Variants in FRY observed in about 807,000 individuals in gnomAD.
The protein encoded by FRY is protein furry homolog.
FRY carries 128 observed loss-of-function variants against 348.4 expected under a neutral mutation model. That is an observed-to-expected ratio of 0.37 (90% CI 0.32 to 0.43). The LOEUF (loss-of-function observed/expected upper bound fraction) is 0.43. Ranked by LOEUF, FRY falls within the 20% of genes least tolerant of loss-of-function variation. The probability of loss-of-function intolerance (pLI) is 1.00; values close to 1 mark genes in which losing one functional copy is unlikely to be tolerated. For synonymous variants in FRY, 1,370 were observed against 1,374.7 expected (o/e 1.00, Z 0.08); for missense variants, 2,736 against 3,695.2 (o/e 0.74, Z 6.73).
At chr13:32,122,897 C>G (rs936302764) in intron 4 of FRY, among the ~76,000 whole-genome samples, 5 of 152,148 alleles carry the variant, frequency 3.3e-5, no homozygotes, top group African/African-American at 1.2e-4. Flanking sequence ...CTAACAACGA[C>G]TAAGCGGAGA....
intron 3 of FRY, among the ~76,000 whole-genome samples, chr13:32,115,618 T>A (rs900885689): frequency 6.6e-6 from 1 of 152,188 alleles, no homozygotes; most frequent in Non-Finnish European, 1.5e-5. Flanking sequence ...AAAACCTTCG[T>A]CACATCAATT....
chr13:32,120,633 C>T (rs1006180596), intron 4 of FRY, among the ~76,000 whole-genome samples: 1 of 152,118 alleles, frequency 6.6e-6, no homozygotes, highest in African/African-American at 2.4e-5. Context: ...ACTCTTCCCC[C>T]CAAGTCCCCG....
chr13:32,239,971 T>C lies in FRY; in HGVS notation c.6687+90T>C. 4 of 1,106,368 alleles carry C rather than the reference T, an allele frequency of 3.6e-6. No homozygotes were observed. The highest frequency in any genetic ancestry group is 5.3e-6 in the Non-Finnish European group (4 of 751,136). 68.5% of individuals were successfully genotyped at this position (1,106,368 alleles called of 1,614,324 possible). ...CTTGGGCTCAAGCAGTCCTCCTGCCTTCGCCTCCCAGAGTGCTAGGATTAC... is the reference window on the plus strand; with the variant it reads ...CTTGGGCTCAAGCAGTCCTCCTGCCCTCGCCTCCCAGAGTGCTAGGATTAC... On this transcript the variant is annotated intron_variant, in intron 46 of 60. Coordinates refer to ENST00000542859, the MANE Select transcript of FRY (RefSeq NM_023037.3). This position sits in a 1 kb window ranked among gnomAD's most constrained non-coding sequence, Gnocchi z 4.3.
chr13:32,205,834 A>G lies in FRY; in HGVS notation c.4019-3019A>G, dbSNP rs568551032. On this transcript the variant is annotated intron_variant, in intron 31 of 60. Transcript: ENST00000542859. ...CAGTCTGGAGAGAGGAGGATAGTTA[A>G]GAAACAATGGCAATAGTCCAAGGAG... is the stretch of plus-strand genomic sequence containing the variant. Among the ~76,000 whole-genome samples the G allele has an allele frequency of 1.2e-3, 185 of 152,094 alleles. 1 individual carries two copies. The highest frequency in any genetic ancestry group is 7.5e-3 in the South Asian group (36 of 4,808).
Position 32,174,448 on chromosome 13 carries a change from T to A in FRY, c.2334+899T>A, listed in dbSNP as rs368361066. ...AAAGTAATGATAATAATAATTACCA[T>A]GTATGTGTCAGGTAGTGTGCTAAGT... is the stretch of plus-strand genomic sequence containing the variant. On this transcript the variant is annotated intron_variant, in intron 19 of 60. Transcript: ENST00000542859. Among the ~76,000 whole-genome samples, 22 of 152,222 alleles carry A rather than the reference T, an allele frequency of 1.4e-4. No homozygotes were observed. The East Asian group carries it at 1.7e-3, about 12-fold the overall frequency.
intron 55 of FRY, among the ~76,000 whole-genome samples, chr13:32,269,876 T>C (rs751935518): frequency 1.2e-4 from 18 of 152,208 alleles, no homozygotes; most frequent in Non-Finnish European, 2.1e-4. Context: ...TGGAGAATTA[T>C]ATACCAGTAG....
rs145953044 is a variant in FRY, at chr13:32,254,967, A to G, written c.7416+573A>G. ...CTAGACACTGGAGCAGCCAAATTCAAGTCTCAGTGGGCAAATGCAGATTCA... is the reference window on the plus strand; with the variant it reads ...CTAGACACTGGAGCAGCCAAATTCAGGTCTCAGTGGGCAAATGCAGATTCA... On this transcript the variant is annotated intron_variant, in intron 51 of 60. Coordinates refer to ENST00000542859, the MANE Select transcript of FRY (RefSeq NM_023037.3). Among the ~76,000 whole-genome samples, 415 of 152,330 alleles carry G rather than the reference A, an allele frequency of 2.7e-3. 5 individuals are homozygous for G. Among genetic ancestry groups the G allele is most frequent in the African/African-American group, 9.8e-3 (407 of 41,574 alleles).
intron 1 of FRY, chr13:32,060,973 G>A (rs1486076988): frequency 4.7e-6 from 2 of 426,476 alleles, no homozygotes; most frequent in East Asian, 1.4e-4. Context: ...TAAGGGCCCT[G>A]CATTGTGGCT....
chr13:32,198,258 C>T (rs1006911136), intron 29 of FRY, among the ~76,000 whole-genome samples: 42 of 152,176 alleles, frequency 2.8e-4, no homozygotes, highest in African/African-American at 8.4e-4. Flanking sequence ...AAATCTCCAG[C>T]GATCCAGCAA....
intron 40 of FRY, among the ~76,000 whole-genome samples, chr13:32,229,592 G>A (rs987830454): frequency 5.3e-5 from 8 of 152,116 alleles, no homozygotes; most frequent in Non-Finnish European, 1.0e-4. Flanking sequence ...AGACCCGCAT[G>A]ATTTGTGGAA....
intron 14 of FRY, among the ~76,000 whole-genome samples, chr13:32,155,288 G>C (rs1406777900): frequency 6.6e-6 from 1 of 152,106 alleles, no homozygotes; most frequent in African/African-American, 2.4e-5. Flanking sequence ...AATCTCCCCT[G>C]TTGTTTTCTT....
At chr13:32,036,535 A>G (rs1202124846) in intron 1 of FRY, among the ~76,000 whole-genome samples, 1 of 152,080 alleles carries the variant, frequency 6.6e-6, no homozygotes, top group Admixed American at 6.5e-5. Flanking sequence ...GCCACTCTGT[A>G]TAAAATACTA....
intron 39 of FRY, 123 bp downstream of exon 39, chr13:32,226,097 A>G: frequency 1.3e-6 from 1 of 767,586 alleles, no homozygotes; most frequent in Non-Finnish European, 2.3e-6. Context: ...TCCACGTGGT[A>G]AATCAACAGT....
intron 13 of FRY, among the ~76,000 whole-genome samples, chr13:32,148,795 A>G (rs1880617295): frequency 6.6e-6 from 1 of 152,218 alleles, no homozygotes; most frequent in Admixed American, 6.5e-5. Flanking sequence ...TATAAAGTGT[A>G]AGGTTCAGTT....
chr13:32,291,224 T>C (rs1391449878), intron 59 of FRY, among the ~76,000 whole-genome samples: 1 of 151,988 alleles, frequency 6.6e-6, no homozygotes, highest in Admixed American at 6.5e-5. Flanking sequence ...TTTTTATTAC[T>C]CAGTTTGAAA....
chr13:32,265,181 C>T (rs1887854394), intron 53 of FRY, among the ~76,000 whole-genome samples: 1 of 152,170 alleles, frequency 6.6e-6, no homozygotes, highest in Admixed American at 6.5e-5. Flanking sequence ...CGTTCATACC[C>T]TATAAGCATG....
At chr13:32,171,435 C>T (rs1248127045) in intron 18 of FRY, among the ~76,000 whole-genome samples, 165 bp downstream of exon 18, 2 of 150,104 alleles carry the variant, frequency 1.3e-5, no homozygotes, top group East Asian at 2.0e-4. Context: ...CTCAGCCTCC[C>T]GAGTAGCTGG....
At chr13:32,134,701 G>A (rs1879589086) in intron 8 of FRY, among the ~76,000 whole-genome samples, 1 of 152,200 alleles carries the variant, frequency 6.6e-6, no homozygotes, top group Admixed American at 6.5e-5. Flanking sequence ...GAAAAAACCA[G>A]CCTTGCAGAA....
intron 3 of FRY, among the ~76,000 whole-genome samples, chr13:32,110,110 G>A (rs935892556): frequency 6.6e-6 from 1 of 152,218 alleles, no homozygotes; most frequent in African/African-American, 2.4e-5. Flanking sequence ...TGGATGTGTA[G>A]AGTGCATTTT....
Sources: allele counts gnomAD v4.1 joint callset (sites outside exome capture counted in the v4.1 genomes callset), GRCh38; gene constraint gnomAD v4.1.1; non-coding constraint Gnocchi (gnomAD v3.1); transcripts MANE v1.5; gene names NCBI Gene and HGNC (gene_info 2026-07-23, HGNC 2026-07-21).